The following MIAT variants were observed in gnomAD, a reference collection of about 807,000 sequenced individuals.
MIAT encodes MI related novel mRNA.
At chr22:26,661,917 C>CATATATAT (rs58654108) in intron 2 of MIAT, among the ~76,000 whole-genome samples, 170 of 80,412 alleles carry the variant, frequency 2.1e-3, no homozygotes, top group Non-Finnish European at 3.4e-3. Context: ...TATATAGATC[C>CATATATAT]ATATATATAT....
chr22:26,668,550 T>A (rs1930934484), exon 6 of MIAT: 3 of 398,970 alleles, frequency 7.5e-6, no homozygotes, highest in African/African-American at 4.1e-5. Context: ...AGACAGAGCC[T>A]GGCCTGGGCC....
intron 2 of MIAT, among the ~76,000 whole-genome samples, chr22:26,660,461 C>CAAAAAAAAA (rs58234097): frequency 9.3e-6 from 1 of 107,182 alleles, no homozygotes; most frequent in Non-Finnish European, 1.9e-5. Context: ...GAGACTATCT[C>CAAAAAAAAA]AAAAAAAAAA....
chr22:26,672,918 T>A (rs1254890078), downstream of MIAT: 2 of 398,458 alleles, frequency 5.0e-6, no homozygotes, highest in Admixed American at 4.4e-5. Flanking sequence ...GAGGACTCTT[T>A]CCCACACAGG....
At chr22:26,675,871 A>G (rs766434436) in exon 5 of MIAT, 16 of 398,520 alleles carry the variant, frequency 4.0e-5, no homozygotes, top group Non-Finnish European at 6.6e-5. Flanking sequence ...TGGGTAATGA[A>G]CCTTTTGTTC....
At chr22:26,647,847 G>A (rs763274) in intron 2 of MIAT, among the ~76,000 whole-genome samples, 59,574 of 151,236 alleles carry the variant, frequency 0.39, 13,128 homozygotes, top group African/African-American at 0.61. Flanking sequence ...TGACTTGGCG[G>A]AATGTTCCAG....
At chr22:26,646,992 G>C (rs1930245465) in intron 1 of MIAT, 1 of 398,396 alleles carries the variant, frequency 2.5e-6, no homozygotes, top group African/African-American at 2.1e-5. Flanking sequence ...CATTTCTGCA[G>C]CCCTTTCAAG....
rs73163288 is a variant in MIAT, at chr22:26,666,628, G to A, written n.1827G>A. ...ACTTTCTCCTGGGTCACATTCTGCT[G>A]TTGTTGGGAAACAGGGAGTGAGTGA... On this transcript the variant is annotated non_coding_transcript_exon_variant, in exon 4 of 6. Transcript: ENST00000643270. The A allele has an allele frequency of 0.08, 31,757 of 398,646 alleles. 1,449 individuals carry two copies. The highest frequency in any genetic ancestry group is 0.1 in the South Asian group (823 of 7,854). The allele number at this position is 398,646 out of a possible 1,614,324, so 24.7% of individuals were successfully genotyped here. A position where few individuals can be genotyped will look rare whatever the true frequency, so the allele number is the denominator to read the frequency against.
At chr22:26,674,168 A>G (rs1444348709), downstream of MIAT, 4 of 398,482 alleles carry the variant, frequency 1.0e-5, no homozygotes, top group East Asian at 1.4e-4. Context: ...TCAGTCATTT[A>G]CATGTTAGTA....
chr22:26,659,840 C>CTTTCTTT (rs1249099894), intron 2 of MIAT, among the ~76,000 whole-genome samples: 6 of 94,968 alleles, frequency 6.3e-5, no homozygotes, highest in Non-Finnish European at 1.2e-4. Context: ...TTCTTTCTTT[C>CTTTCTTT]TTTTTTTTTT....
rs76305527 is a variant in MIAT, at chr22:26,651,945, C to T, written n.646+4634C>T. On this transcript the variant is annotated intron_variant and non_coding_transcript_variant, in intron 2 of 5. Coordinates refer to ENST00000643270, the Ensembl canonical transcript of MIAT. ...ATGTACTCAGGGCCACTGAATCATA[C>T]GCTTTAAATGGTTAGTTTTAGAGGA... Among the ~76,000 whole-genome samples, 711 of 152,298 alleles carry T rather than the reference C, an allele frequency of 4.7e-3. 3 individuals are homozygous for T. Among genetic ancestry groups the T allele is most frequent in the African/African-American group, 0.016 (645 of 41,556 alleles).
downstream of MIAT, chr22:26,670,687 T>TA (rs1459669422): frequency 2.5e-6 from 1 of 396,626 alleles, no homozygotes; most frequent in Non-Finnish European, 4.4e-6. Context: ...TCAGAACCTT[T>TA]AAAATGCTAA....
chr22:26,667,451 G>A (rs1280965649), intron 5 of MIAT: 3 of 394,212 alleles, frequency 7.6e-6, no homozygotes, highest in African/African-American at 6.2e-5. Flanking sequence ...TGTATGTTGG[G>A]GGTGGTGGTG....
chr22:26,671,843 A>T (rs1335301523), downstream of MIAT: 2 of 398,028 alleles, frequency 5.0e-6, no homozygotes, highest in Non-Finnish European at 8.9e-6. Context: ...AAAAAAAAAA[A>T]GTATGAGGAT....
chr22:26,666,917 G>A (rs997726527), exon 4 of MIAT: 3 of 398,010 alleles, frequency 7.5e-6, no homozygotes, highest in African/African-American at 4.1e-5. Context: ...GGCTGCCTGT[G>A]TGTCGGCTGG....
chr22:26,673,844 C>T, downstream of MIAT: 1 of 398,672 alleles, frequency 2.5e-6, no homozygotes, highest in Non-Finnish European at 4.4e-6. Flanking sequence ...CAGTGGTACC[C>T]ACCAAGGTGG....
intron 3 of MIAT, chr22:26,663,510 G>A: frequency 2.5e-6 from 1 of 395,216 alleles, no homozygotes; most frequent in Non-Finnish European, 4.5e-6. Context: ...GAATCTTAAG[G>A]TGGGAGAGAC....
chr22:26,670,221 G>A (rs1930993846), downstream of MIAT: 1 of 398,378 alleles, frequency 2.5e-6, no homozygotes. Context: ...ATGCTTCCTG[G>A]GGTATTTAAA....
At chr22:26,656,764 G>C (rs1296836890) in intron 2 of MIAT, among the ~76,000 whole-genome samples, 1 of 152,156 alleles carries the variant, frequency 6.6e-6, no homozygotes, top group Non-Finnish European at 1.5e-5. Flanking sequence ...ATCCGGGCGC[G>C]GTGGCTCGCG....
chr22:26,652,839 C>T (rs1485805282), intron 2 of MIAT, among the ~76,000 whole-genome samples: 1 of 152,170 alleles, frequency 6.6e-6, no homozygotes, highest in African/African-American at 2.4e-5. Context: ...TCTGGGGTTT[C>T]AGAGTGGTAT....
Sources: allele counts gnomAD v4.1 joint callset (sites outside exome capture counted in the v4.1 genomes callset), GRCh38; gene constraint gnomAD v4.1.1; transcripts MANE v1.5; gene names NCBI Gene and HGNC (gene_info 2026-07-23, HGNC 2026-07-21).